PTPN13: variants seen among roughly 807,000 people sequenced by gnomAD.
PTPN13 encodes the protein tyrosine-protein phosphatase non-receptor type 13.
PTPN13 carries 191 observed loss-of-function variants against 284.0 expected under a neutral mutation model. That is an observed-to-expected ratio of 0.67 (90% CI 0.60 to 0.76). The LOEUF (loss-of-function observed/expected upper bound fraction) is 0.76. Among genes scored for constraint, PTPN13 ranks in the 30% least tolerant of loss-of-function variants. The pLI, the probability that PTPN13 is intolerant of heterozygous loss-of-function variation, is 0.00. For missense variants in PTPN13, 2,797 were observed against 2,939.9 expected (o/e 0.95, Z 1.12); for synonymous variants, 986 against 1,022.3 (o/e 0.96, Z 0.68).
chr4:86,733,704 CTATT>C (rs1441429297), intron 12 of PTPN13, among the ~76,000 whole-genome samples: 1 of 152,100 alleles, frequency 6.6e-6, no homozygotes, highest in Non-Finnish European at 1.5e-5. Context: ...ATCCAAATAT[CTATT>C]TATACTATAC....
chr4:86,689,942 A>T (rs1578420894), intron 5 of PTPN13: 1 of 471,884 alleles, frequency 2.1e-6, no homozygotes, highest in Non-Finnish European at 3.7e-6. Context: ...CAAATTTACC[A>T]CTGCCACACA....
intron 7 of PTPN13, among the ~76,000 whole-genome samples, chr4:86,703,277 G>T (rs1241202873): frequency 6.6e-6 from 1 of 152,026 alleles, no homozygotes; most frequent in Non-Finnish European, 1.5e-5. Flanking sequence ...ACAACTTTTG[G>T]AATTGTGATA....
At chr4:86,653,001 C>T (rs1180537292) in intron 2 of PTPN13, among the ~76,000 whole-genome samples, 3 of 151,620 alleles carry the variant, frequency 2.0e-5, no homozygotes, top group Admixed American at 2.0e-4. Context: ...ATCAGTTTTT[C>T]CTTCTGCTTG....
At chr4:86,705,389 T>G (rs1731649627) in intron 7 of PTPN13, among the ~76,000 whole-genome samples, 1 of 150,754 alleles carries the variant, frequency 6.6e-6, no homozygotes, top group African/African-American at 2.4e-5. Flanking sequence ...ATATGAAGAT[T>G]TTAGCTACTA....
intron 2 of PTPN13, among the ~76,000 whole-genome samples, chr4:86,647,736 A>G (rs1444008809): frequency 6.6e-6 from 1 of 152,114 alleles, no homozygotes; most frequent in Non-Finnish European, 1.5e-5. Flanking sequence ...GCCTAATCCA[A>G]TATGACTAGT....
intron 35 of PTPN13, among the ~76,000 whole-genome samples, chr4:86,777,294 C>G (rs975999084): frequency 6.6e-6 from 1 of 152,126 alleles, no homozygotes; most frequent in Non-Finnish European, 1.5e-5. Flanking sequence ...CCTCTAGAGA[C>G]TCCCCATACA....
chr4:86,648,445 T>C (rs1330890406), intron 2 of PTPN13, among the ~76,000 whole-genome samples: 1 of 152,154 alleles, frequency 6.6e-6, no homozygotes, highest in African/African-American at 2.4e-5. Context: ...AATTTTATTT[T>C]TGAAGCTCCC....
intron 2 of PTPN13, among the ~76,000 whole-genome samples, chr4:86,651,863 T>C (rs1481748571): frequency 1.3e-5 from 2 of 152,186 alleles, no homozygotes; most frequent in Admixed American, 1.3e-4. Context: ...TAATTGGGTC[T>C]TGTCTCTTTT....
chr4:86,621,845 G>A (rs552462443), intron 1 of PTPN13, among the ~76,000 whole-genome samples: 1 of 151,786 alleles, frequency 6.6e-6, no homozygotes, highest in East Asian at 1.9e-4. Context: ...TGTCAGTCAT[G>A]TTCTTCTTTG....
chr4:86,639,663 A>G (rs1413495050), intron 2 of PTPN13, among the ~76,000 whole-genome samples: 3 of 132,122 alleles, frequency 2.3e-5, no homozygotes, highest in Non-Finnish European at 3.1e-5. Flanking sequence ...GAAACATCAC[A>G]CTCTGGGGAC....
Position 86,785,035 on chromosome 4 carries a change from A to G in PTPN13, c.6119-196A>G, listed in dbSNP as rs77812382. 1.8e-3 allele frequency among the ~76,000 whole-genome samples: 274 copies of G among 152,242 alleles called. 1 individual carries two copies. Among genetic ancestry groups the G allele is most frequent in the African/African-American group, 6.5e-3 (269 of 41,560 alleles). ...GTAATTTGCATTTGTGTGGTCTTCC[A>G]TCATAGCAGCCAGGGTAGTTTTAGA... On this transcript the variant is annotated intron_variant, in intron 38 of 47. Coordinates refer to ENST00000411767, the MANE Select transcript of PTPN13 (RefSeq NM_080683.3).
At chr4:86,732,265 T>G in intron 10 of PTPN13, 135 bp from the exon 11 acceptor site, 1 of 712,724 alleles carries the variant, frequency 1.4e-6, no homozygotes, top group Non-Finnish European at 2.2e-6. Context: ...TCAACGTTTG[T>G]TTTAGATCAC....
At position 86,716,632 on chromosome 4, in the gene PTPN13, G is replaced by C. The variant is rs770667763; in HGVS notation, c.1291+7G>C. 2 of 1,538,912 alleles carry C rather than the reference G, an allele frequency of 1.3e-6. No homozygotes were observed. Among genetic ancestry groups the C allele is most frequent in the South Asian group, 1.2e-5 (1 of 83,068 alleles). On this transcript the variant is annotated splice_region_variant and intron_variant, in intron 8 of 47. Coordinates refer to ENST00000411767, the MANE Select transcript of PTPN13 (RefSeq NM_080683.3). ...GAATCAGATTTCAGACAAGGTAGGA[G>C]GCATCTGAAACAAGCAAACTGTTTT...
chr4:86,785,733 G>T (rs1741818367), intron 39 of PTPN13, 115 bp from the exon 40 acceptor site: 2 of 523,442 alleles, frequency 3.8e-6, no homozygotes, highest in Admixed American at 4.1e-5. Flanking sequence ...TTAAAACATT[G>T]AAACTATTTA....
At chr4:86,732,351 A>T in intron 10 of PTPN13, 49 bp from the exon 11 acceptor site, 1 of 1,391,788 alleles carries the variant, frequency 7.2e-7, no homozygotes, top group East Asian at 2.5e-5. Context: ...TCAAGGAAAA[A>T]ACTAGAATAA....
chr4:86,661,179 T>C (rs984373676), intron 2 of PTPN13: 18 of 428,028 alleles, frequency 4.2e-5, no homozygotes, highest in East Asian at 1.6e-4. Flanking sequence ...ATCACTGCTA[T>C]GACATATCAC....
chr4:86,745,822 C>G lies in PTPN13; in HGVS notation c.2650+694C>G, dbSNP rs556180816. On this transcript the variant is annotated intron_variant, in intron 17 of 47. Transcript: ENST00000411767. ...TGAAGAACAGATTATATTGAACAGA[C>G]TTTATGACCTATACTGTTAGAAGAG... Among the ~76,000 whole-genome samples the G allele has an allele frequency of 2.0e-5, 3 of 151,906 alleles. No individual in the cohort carries two copies. In the South Asian group the frequency reaches 6.2e-4, roughly 32 times the overall value.
intron 7 of PTPN13, 116 bp downstream of exon 7, chr4:86,701,917 A>G (rs1051209966): frequency 1.9e-6 from 2 of 1,027,058 alleles, no homozygotes; most frequent in African/African-American, 3.3e-5. Context: ...AAATTTTTGT[A>G]CCCTGGTTAG....
At chr4:86,684,037 A>G (rs562324460) in intron 3 of PTPN13, among the ~76,000 whole-genome samples, 2 of 152,068 alleles carry the variant, frequency 1.3e-5, no homozygotes, top group Non-Finnish European at 2.9e-5. Flanking sequence ...TTCAACAGAC[A>G]TGTATTGAAT....
Sources: gnomAD v4.1 joint callset for allele counts (sites outside exome capture counted in the v4.1 genomes callset) on GRCh38, gnomAD v4.1.1 for gene constraint, MANE v1.5 for transcripts, NCBI Gene and HGNC (gene_info 2026-07-23, HGNC 2026-07-21) for gene names.